Variants in ZRANB1 observed in about 807,000 individuals in gnomAD.
ZRANB1 encodes the protein ubiquitin thioesterase ZRANB1.
Under a neutral mutation model 80.5 loss-of-function variants are expected in ZRANB1, and 16 were observed. That is an observed-to-expected ratio of 0.20 (90% CI 0.13 to 0.30). ZRANB1 has a LOEUF of 0.30. Ranked by LOEUF, ZRANB1 falls within the 10% of genes least tolerant of loss-of-function variation. The probability of loss-of-function intolerance (pLI) is 1.00; values close to 1 mark genes in which losing one functional copy is unlikely to be tolerated. For synonymous variants in ZRANB1, 291 were observed against 293.1 expected (o/e 0.99, Z 0.07); for missense variants, 576 against 862.6 (o/e 0.67, Z 4.16).
upstream of ZRANB1, among the ~76,000 whole-genome samples, chr10:124,941,172 G>T (rs537217526): frequency 3.5e-4 from 52 of 147,362 alleles, no homozygotes; most frequent in South Asian, 4.4e-4. Context: ...TTTAGGAAAA[G>T]TGGCCAGTGT....
chr10:124,963,499 T>C (rs1458324295), intron 1 of ZRANB1, among the ~76,000 whole-genome samples: 1 of 148,488 alleles, frequency 6.7e-6, no homozygotes, highest in South Asian at 2.2e-4. Flanking sequence ...TAAAAGGTGC[T>C]CAAAGTGTAA....
the ZRANB1 span, among the ~76,000 whole-genome samples, chr10:124,934,787 T>C: frequency 6.6e-6 from 1 of 152,188 alleles, no homozygotes; most frequent in East Asian, 1.9e-4. Flanking sequence ...AAGTAGATGA[T>C]ATTTAAAGCC....
rs765876528 is a variant in ZRANB1, at chr10:124,942,504, G to A, written c.11G>A (p.Arg4His). 1.4e-5 allele frequency: 22 copies of A among 1,614,052 alleles called. No homozygotes were observed. The highest frequency in any genetic ancestry group is 1.8e-5 in the Non-Finnish European group (21 of 1,180,040). Residue 4 changes from arginine to histidine, a missense_variant, in exon 1 of 9, where the codon CGT becomes CAT. Physicochemically the swap from Arg to His is conservative, Grantham distance 29. Around this residue, in one of 3 missense-constraint regions of ZRANB1, gnomAD observed 411 missense variants for 583.1 expected, o/e 0.70. Coordinates refer to ENST00000359653, the MANE Select transcript of ZRANB1 (RefSeq NM_017580.3). MSE[R>H]GIKWACEYCT... ...TTCAAGAAGTGCACAATGTCAGAAC[G>A]TGGAATTAAGTGGGCTTGTGAATAT...
At chr10:124,955,199 G>A (rs1455982262) in intron 1 of ZRANB1, among the ~76,000 whole-genome samples, 1 of 150,570 alleles carries the variant, frequency 6.6e-6, no homozygotes, top group Admixed American at 6.7e-5. Context: ...AAAATGGTTC[G>A]AGTTAAAAAT....
At chr10:124,920,963 A>G in the ZRANB1 span, among the ~76,000 whole-genome samples, 5 of 152,306 alleles carry the variant, frequency 3.3e-5, no homozygotes, top group Admixed American at 6.5e-5. Flanking sequence ...TTTGTACTGT[A>G]GTAAGTATTG....
the ZRANB1 span, among the ~76,000 whole-genome samples, chr10:124,928,538 A>T: frequency 6.6e-6 from 1 of 152,134 alleles, no homozygotes; most frequent in Non-Finnish European, 1.5e-5. Context: ...ATTCTTTTTT[A>T]TTATTGGGCA....
Position 124,946,431 on chromosome 10 carries a change from AAAAAG to A in ZRANB1, c.814+3135_814+3139del, listed in dbSNP as rs540547999. 5.7e-3 allele frequency: 869 copies of A among 152,288 alleles called. 6 individuals are homozygous for A. The highest frequency in any genetic ancestry group is 7.8e-3 in the Non-Finnish European group (530 of 68,360). The allele number at this position is 152,288 out of a possible 1,614,324, so 9.4% of individuals were successfully genotyped here. ...AAAACCCTGTCTCAAAAAAAAAAAA[AAAAAG>A]AAAAGAAAAGTGGAACAAAAACTTC... On this transcript the variant is annotated intron_variant, in intron 1 of 8. Transcript: ENST00000359653.
chr10:124,977,789 G>A (rs1951892530), intron 5 of ZRANB1, among the ~76,000 whole-genome samples: 2 of 151,562 alleles, frequency 1.3e-5, no homozygotes, highest in African/African-American at 4.8e-5. Flanking sequence ...TAGATAGGGA[G>A]TGGCTACTAG....
chr10:124,968,049 C>T (rs1020447408), intron 2 of ZRANB1, among the ~76,000 whole-genome samples: 2 of 152,090 alleles, frequency 1.3e-5, no homozygotes, highest in African/African-American at 4.8e-5. Flanking sequence ...TAGGCACATG[C>T]CACCATGCCT....
At chr10:124,963,554 GTTTTTTTT>G (rs760813299) in intron 1 of ZRANB1, among the ~76,000 whole-genome samples, 17 of 57,530 alleles carry the variant, frequency 3.0e-4, no homozygotes, top group African/African-American at 9.9e-4. Context: ...TTTTTTGTTT[GTTTTTTTT>G]TTTTTTTTTT....
At chr10:124,918,442 G>C in the ZRANB1 span, among the ~76,000 whole-genome samples, 1 of 152,148 alleles carries the variant, frequency 6.6e-6, no homozygotes. Context: ...TGCCCGCCTC[G>C]GCCTTCCAAA....
chr10:124,922,762 A>G, the ZRANB1 span, among the ~76,000 whole-genome samples: 1 of 151,824 alleles, frequency 6.6e-6, no homozygotes, highest in African/African-American at 2.4e-5. Flanking sequence ...AAGTGCTGGG[A>G]TTACAGGCGT....
chr10:124,964,476 C>T (rs988551681), intron 1 of ZRANB1, among the ~76,000 whole-genome samples: 1 of 152,160 alleles, frequency 6.6e-6, no homozygotes, highest in South Asian at 2.1e-4. Context: ...TCCCCTTCTT[C>T]CAAGCAAAAG....
At chr10:124,941,513 C>T (rs1055840107), upstream of ZRANB1, among the ~76,000 whole-genome samples, 22 of 152,076 alleles carry the variant, frequency 1.4e-4, no homozygotes, top group Middle Eastern at 3.4e-3. Context: ...CCACCATGCA[C>T]GGCTAATTTT....
At chr10:124,959,163 G>T (rs1951710242) in intron 1 of ZRANB1, among the ~76,000 whole-genome samples, 1 of 152,218 alleles carries the variant, frequency 6.6e-6, no homozygotes, top group Non-Finnish European at 1.5e-5. Flanking sequence ...CCTAGAAGGA[G>T]CATAGAACCT....
intron 1 of ZRANB1, among the ~76,000 whole-genome samples, chr10:124,947,647 C>A (rs1374001332): frequency 6.6e-6 from 1 of 152,080 alleles, no homozygotes; most frequent in Non-Finnish European, 1.5e-5. Context: ...CAGAACTGAT[C>A]TCTCCTTCAA....
chr10:124,968,404 T>G (rs1156756609), intron 2 of ZRANB1, among the ~76,000 whole-genome samples: 1 of 152,208 alleles, frequency 6.6e-6, no homozygotes, highest in African/African-American at 2.4e-5. Context: ...TTGTAGTAGC[T>G]AACCCCTGTG....
chr10:124,975,623 A>T (rs558398044), intron 5 of ZRANB1, among the ~76,000 whole-genome samples: 4 of 152,200 alleles, frequency 2.6e-5, no homozygotes, highest in African/African-American at 7.2e-5. Context: ...TTCTTTGAAC[A>T]TTATCTCATT....
chr10:124,961,920 G>C lies in ZRANB1; in HGVS notation c.815-4674G>C, dbSNP rs570093002. On this transcript the variant is annotated intron_variant, in intron 1 of 8. Coordinates refer to ENST00000359653, the MANE Select transcript of ZRANB1 (RefSeq NM_017580.3). ...GAATAGAAATAGTGGATCTTAACTT[G>C]TTGCTATTATTATGTGGAAAATACA... is the stretch of plus-strand genomic sequence containing the variant. Among the ~76,000 whole-genome samples the C allele has an allele frequency of 1.1e-4, 16 of 152,276 alleles. No homozygotes were observed. In the East Asian group the frequency reaches 1.5e-3, roughly 15 times the overall value.
Sources: gnomAD v4.1 joint callset for allele counts (sites outside exome capture counted in the v4.1 genomes callset) on GRCh38, gnomAD v4.1.1 for gene constraint, gnomAD v4.1.1 regional missense constraint, MANE v1.5 for transcripts, NCBI Gene and HGNC (gene_info 2026-07-23, HGNC 2026-07-21) for gene names.